Variants in CLEC16A observed in about 807,000 individuals in gnomAD.
The protein encoded by CLEC16A is C-type lectin domain containing 16A, also known as protein CLEC16A.
In CLEC16A, 51 loss-of-function variants were observed where a neutral mutation model predicts 109.5. The ratio of observed to expected loss-of-function variants is 0.47; its 90% CI spans 0.37 to 0.59. The LOEUF (loss-of-function observed/expected upper bound fraction) is 0.59, where lower values mean the gene tolerates loss of function less well. Among genes scored for constraint, CLEC16A ranks in the 20% least tolerant of loss-of-function variants. The pLI is 0.00. For synonymous variants in CLEC16A, 673 were observed against 564.2 expected (o/e 1.19, Z -2.73); for missense variants, 1,339 against 1,394.0 (o/e 0.96, Z 0.63).
At chr16:10,958,921 G>T (rs1228252546) in intron 2 of CLEC16A, among the ~76,000 whole-genome samples, 1 of 151,666 alleles carries the variant, frequency 6.6e-6, no homozygotes, top group African/African-American at 2.4e-5. Context: ...AAATAGCAAG[G>T]GCTGTTAACT....
intron 10 of CLEC16A, among the ~76,000 whole-genome samples, chr16:10,996,122 C>T (rs2044312219): frequency 6.6e-6 from 1 of 152,204 alleles, no homozygotes; most frequent in Non-Finnish European, 1.5e-5. Context: ...CAACTGCTTT[C>T]TCCCCTCCCT....
chr16:11,116,769 T>G (rs2052024083), intron 19 of CLEC16A, among the ~76,000 whole-genome samples: 1 of 152,168 alleles, frequency 6.6e-6, no homozygotes, highest in Admixed American at 6.5e-5. Context: ...CATGTTACCC[T>G]TCTCCTCCCC....
At chr16:11,089,320 C>G (rs1178069360) in intron 19 of CLEC16A, among the ~76,000 whole-genome samples, 1 of 152,148 alleles carries the variant, frequency 6.6e-6, no homozygotes. Flanking sequence ...TGAGGGTGGG[C>G]TTATCTGCCG....
Position 11,024,880 on chromosome 16 carries a change from T to C in CLEC16A, c.1496T>C (p.Leu499Pro), listed in dbSNP as rs774706141. Residue 499 changes from leucine (L) to proline (P), a missense_variant, in exon 13 of 24, where the codon CTG (leucine) becomes CCG (proline). Transcript: ENST00000409790. ...LDSPDDDYHALFVLCLLYAMS... is the reference protein window; with the variant it reads ...LDSPDDDYHAPFVLCLLYAMS... ...AGCCCGGATGATGATTACCATGCCC[T>C]GTTCGTGCTCTGCCTCCTCTATGCC... The C allele has an allele frequency of 1.2e-6, 2 of 1,610,286 alleles. No homozygotes were observed. The highest frequency in any genetic ancestry group is 2.2e-5 in the South Asian group (2 of 89,912).
At chr16:11,025,513 G>C (rs1238566590) in intron 13 of CLEC16A, among the ~76,000 whole-genome samples, 2 of 152,152 alleles carry the variant, frequency 1.3e-5, no homozygotes, top group African/African-American at 4.8e-5. Context: ...AATAGTTACT[G>C]TTGTTTGCCC....
chr16:11,112,244 C>G (rs2051642754), intron 19 of CLEC16A, among the ~76,000 whole-genome samples: 1 of 152,154 alleles, frequency 6.6e-6, no homozygotes, highest in Admixed American at 6.5e-5. Context: ...GCAGTGGTTG[C>G]CTCTGCAGAG....
Position 11,166,540 on chromosome 16 carries a change from C to G in CLEC16A, c.2794C>G (p.Gln932Glu). The G allele has an allele frequency of 2.5e-6, 4 of 1,597,902 alleles. No homozygotes were observed. Among genetic ancestry groups the G allele is most frequent in the Non-Finnish European group, 3.4e-6 (4 of 1,173,414 alleles). The change falls in exon 23 of 24, where the codon CAG becomes GAG. Residue 932 changes from glutamine (Q) to glutamate (E), a missense_variant. This residue lies in a region of CLEC16A where 1,061 missense variants were observed against 1,006.8 expected (regional missense o/e 1.05). Transcript: ENST00000409790. ...CTCGTCCTCCACCCCCTCCACAGCC[C>G]AGAGTCCAGCAGGTATTGGCCACGT... ...TSSSSTPSTA[Q>E]SPADAPMSPE...
In CLEC16A at chr16:10,971,316, G is replaced by A. The variant is rs373282181; in HGVS notation, c.598+86G>A. 3.8e-5 allele frequency: 38 copies of A among 1,007,120 alleles called. No homozygotes were observed. In the East Asian group the frequency reaches 5.9e-4, roughly 16 times the overall value. 62.4% of individuals were successfully genotyped at this position (1,007,120 alleles called of 1,614,324 possible). On this transcript the variant is annotated intron_variant, in intron 5 of 23. Coordinates refer to ENST00000409790, the MANE Select transcript of CLEC16A (RefSeq NM_015226.3). ...CCCGTGTGTGTGCGTACAGTTCTCC[G>A]ATTGTCACGAGGGAGCACATTGATG...
At chr16:11,028,172 C>T (rs150351921) in intron 13 of CLEC16A, among the ~76,000 whole-genome samples, 2 of 152,188 alleles carry the variant, frequency 1.3e-5, no homozygotes, top group East Asian at 3.8e-4. Context: ...TGCACTCCAG[C>T]CTGGGCAACG....
chr16:11,153,514 G>T (rs1048669586), intron 22 of CLEC16A, among the ~76,000 whole-genome samples: 1 of 151,122 alleles, frequency 6.6e-6, no homozygotes, highest in Non-Finnish European at 1.5e-5. Context: ...AGATTAAAAA[G>T]GCTAAACAAT....
chr16:11,153,007 G>A lies in CLEC16A; in HGVS notation c.2642-13381G>A, dbSNP rs199832830. 1.5e-4 allele frequency among the ~76,000 whole-genome samples: 23 copies of A among 152,248 alleles called. No homozygotes were observed. In the East Asian group the frequency reaches 3.3e-3, roughly 22 times the overall value. On this transcript the variant is annotated intron_variant, in intron 22 of 23. Transcript: ENST00000409790. ...CAAATCTCCACTCCACCCCGACCCCGCAGCCTCTGAGCATTGTCCATTGTG... is the reference window on the plus strand; with the variant it reads ...CAAATCTCCACTCCACCCCGACCCCACAGCCTCTGAGCATTGTCCATTGTG...
intron 11 of CLEC16A, among the ~76,000 whole-genome samples, chr16:11,019,068 G>T (rs1295050352): frequency 6.6e-6 from 1 of 152,218 alleles, no homozygotes; most frequent in Non-Finnish European, 1.5e-5. Flanking sequence ...GGCGGTGTCT[G>T]AGCCCAAGGT....
chr16:11,062,139 C>T (rs1723153399), intron 19 of CLEC16A, among the ~76,000 whole-genome samples: 1 of 109,064 alleles, frequency 9.2e-6, no homozygotes, highest in African/African-American at 5.0e-5. Flanking sequence ...AGCCTTGGAG[C>T]TGGGAGGGAG....
chr16:11,006,685 A>G (rs1469188770), intron 11 of CLEC16A, among the ~76,000 whole-genome samples: 1 of 152,180 alleles, frequency 6.6e-6, no homozygotes, highest in Non-Finnish European at 1.5e-5. Flanking sequence ...CCCAATTTGG[A>G]TATGGCATTA....
At chr16:10,948,128 T>A (rs12935412) in intron 1 of CLEC16A, among the ~76,000 whole-genome samples, 3 of 151,930 alleles carry the variant, frequency 2.0e-5, no homozygotes, top group African/African-American at 7.2e-5. Flanking sequence ...CTCCTGACCT[T>A]GTGATCTGCC....
rs368155995 is a variant in CLEC16A at position 10,965,161 on chromosome 16, C to T, written c.343+2573C>T. Among the ~76,000 whole-genome samples the T allele has an allele frequency of 7.2e-5, 11 of 152,284 alleles. No homozygotes were observed. In the East Asian group the frequency reaches 1.3e-3, roughly 19 times the overall value. On this transcript the variant is annotated intron_variant, in intron 3 of 23. Transcript: ENST00000409790. ...TGCGTGGCTTTTCTTGTCCTGGCAC[C>T]GAAAAGGGTGCCCTGCTGTGGGAAA... is the stretch of plus-strand genomic sequence containing the variant.
chr16:11,068,525 C>T (rs1283733825), intron 19 of CLEC16A, among the ~76,000 whole-genome samples: 3 of 152,196 alleles, frequency 2.0e-5, no homozygotes, highest in African/African-American at 7.2e-5. Context: ...CCTGTGTACT[C>T]AGCTACCTGC....
At chr16:11,114,201 G>A (rs2051811272) in intron 19 of CLEC16A, among the ~76,000 whole-genome samples, 1 of 144,540 alleles carries the variant, frequency 6.9e-6, no homozygotes. Flanking sequence ...CCCATTCCTG[G>A]CTGCCCCCTT....
chr16:11,029,504 A>G (rs771840478), intron 13 of CLEC16A, among the ~76,000 whole-genome samples: 13 of 146,796 alleles, frequency 8.9e-5, no homozygotes, highest in East Asian at 3.8e-4. Flanking sequence ...TGGGTTTTCT[A>G]TCCCTTTGCT....
Sources: gnomAD v4.1 joint callset for allele counts (sites outside exome capture counted in the v4.1 genomes callset) on GRCh38, gnomAD v4.1.1 for gene constraint, gnomAD v4.1.1 regional missense constraint, MANE v1.5 for transcripts, NCBI Gene and HGNC (gene_info 2026-07-23, HGNC 2026-07-21) for gene names.